The following ADGRB3 variants were observed in gnomAD, a reference collection of about 807,000 sequenced individuals.
ADGRB3 encodes the protein adhesion G protein-coupled receptor B3.
A neutral mutation model predicts 193.4 loss-of-function variants in ADGRB3; 37 were observed. The ratio of observed to expected loss-of-function variants is 0.19; its 90% CI spans 0.15 to 0.25. ADGRB3 has a LOEUF of 0.25. Among genes scored for constraint, ADGRB3 ranks in the 10% least tolerant of loss-of-function variants. ADGRB3 has a pLI of 1.00. For missense variants in ADGRB3, 1,637 were observed against 1,852.9 expected, an observed-to-expected ratio of 0.88 and a Z score of 2.14; for synonymous variants, 690 against 644.2, an observed-to-expected ratio of 1.07 and a Z score of -1.08.
chr6:68,677,525 T>G lies in ADGRB3; in HGVS notation c.757+38093T>G, dbSNP rs896370244. Among the ~76,000 whole-genome samples, 3 of 145,792 alleles carry G rather than the reference T, an allele frequency of 2.1e-5. No homozygotes were observed. In the East Asian group the frequency reaches 5.8e-4, roughly 28 times the overall value. On this transcript the variant is annotated intron_variant, in intron 3 of 31. Coordinates refer to ENST00000370598, the MANE Select transcript of ADGRB3 (RefSeq NM_001704.3). ...TTTTCTTTTTTTTCTTTTTTTCTTT[T>G]TTTTTTTTTTTTTGACAGGTCTCAC...
intron 17 of ADGRB3, among the ~76,000 whole-genome samples, chr6:69,136,409 A>G (rs1417339555): frequency 2.0e-5 from 3 of 152,142 alleles, no homozygotes; most frequent in Non-Finnish European, 4.4e-5. Flanking sequence ...TAAAATGTAA[A>G]TAAGCTCTTC....
chr6:69,163,517 C>T (rs1024065264), intron 17 of ADGRB3, among the ~76,000 whole-genome samples: 15 of 151,866 alleles, frequency 9.9e-5, no homozygotes, highest in South Asian at 2.1e-4. Flanking sequence ...AAAATTAAGG[C>T]GGAGAAAAGC....
chr6:68,660,778 A>G (rs1248672329), intron 3 of ADGRB3, among the ~76,000 whole-genome samples: 1 of 151,126 alleles, frequency 6.6e-6, no homozygotes, highest in East Asian at 1.9e-4. Context: ...GATCTTATCA[A>G]CAAATAGGAT....
At chr6:68,686,917 G>T (rs982289129) in intron 3 of ADGRB3, among the ~76,000 whole-genome samples, 1 of 152,210 alleles carries the variant, frequency 6.6e-6, no homozygotes, top group African/African-American at 2.4e-5. Flanking sequence ...TCTCAAGAAG[G>T]TATAACCTGA....
intron 3 of ADGRB3, among the ~76,000 whole-genome samples, chr6:68,666,141 T>C (rs1768794615): frequency 1.3e-5 from 2 of 151,864 alleles, no homozygotes; most frequent in South Asian, 4.1e-4. Context: ...AATCACAAAC[T>C]AGCAGACCTG....
At chr6:69,125,995 C>G (rs1028558637) in intron 17 of ADGRB3, among the ~76,000 whole-genome samples, 1 of 152,128 alleles carries the variant, frequency 6.6e-6, no homozygotes, top group African/African-American at 2.4e-5. Flanking sequence ...ACATTTGGGT[C>G]AAAGTCAAAT....
intron 3 of ADGRB3, among the ~76,000 whole-genome samples, chr6:68,895,360 A>G (rs1273625879): frequency 1.3e-5 from 2 of 151,912 alleles, no homozygotes; most frequent in African/African-American, 4.8e-5. Context: ...CTTGAAAAAC[A>G]TGTATTTAGT....
At chr6:68,949,209 A>T (rs1486041982) in intron 6 of ADGRB3, among the ~76,000 whole-genome samples, 1 of 152,086 alleles carries the variant, frequency 6.6e-6, no homozygotes, top group Non-Finnish European at 1.5e-5. Flanking sequence ...ATAGACTCAA[A>T]GGGATTCTTC....
chr6:68,648,856 A>C (rs1415393317), intron 3 of ADGRB3, among the ~76,000 whole-genome samples: 1 of 151,712 alleles, frequency 6.6e-6, no homozygotes, highest in African/African-American at 2.4e-5. Flanking sequence ...AATAAGATGC[A>C]TTTTTAAAGA....
chr6:69,067,176 G>A (rs1375162512), intron 16 of ADGRB3, among the ~76,000 whole-genome samples: 1 of 151,862 alleles, frequency 6.6e-6, no homozygotes, highest in Non-Finnish European at 1.5e-5. Context: ...TTTTTCCTCT[G>A]GGCATCAACT....
chr6:69,100,459 G>C (rs1464744969), intron 17 of ADGRB3, among the ~76,000 whole-genome samples: 1 of 152,122 alleles, frequency 6.6e-6, no homozygotes, highest in Non-Finnish European at 1.5e-5. Context: ...GAGATAAAAA[G>C]AGGAGAGGAG....
intron 17 of ADGRB3, among the ~76,000 whole-genome samples, chr6:69,123,976 T>C (rs570518928): frequency 5.3e-4 from 80 of 152,288 alleles, no homozygotes; most frequent in Non-Finnish European, 1.0e-3. Flanking sequence ...ATCTCTTCCT[T>C]ACATTTTCAC....
chr6:69,053,609 G>A (rs567836645), intron 15 of ADGRB3, among the ~76,000 whole-genome samples: 1 of 152,134 alleles, frequency 6.6e-6, no homozygotes, highest in Non-Finnish European at 1.5e-5. Context: ...ATTCCCCCTT[G>A]ACCACTTATG....
At chr6:69,125,790 T>A (rs1688073624) in intron 17 of ADGRB3, among the ~76,000 whole-genome samples, 1 of 152,238 alleles carries the variant, frequency 6.6e-6, no homozygotes, top group Non-Finnish European at 1.5e-5. Flanking sequence ...AATGCTTTTT[T>A]AAAAACAACA....
intron 3 of ADGRB3, among the ~76,000 whole-genome samples, chr6:68,918,087 AT>A (rs1447147670): frequency 2.0e-5 from 3 of 152,164 alleles, no homozygotes; most frequent in African/African-American, 4.8e-5. Context: ...CAGGTAAAAC[AT>A]TTTTTTAAGA....
In ADGRB3 at chr6:68,991,497, T is replaced by C. The variant is rs147470820; in HGVS notation, c.1735-2271T>C. 1.8e-3 allele frequency among the ~76,000 whole-genome samples: 275 copies of C among 151,500 alleles called. 1 individual carries two copies. Among genetic ancestry groups the C allele is most frequent in the South Asian group, 0.015 (70 of 4,796 alleles). On this transcript the variant is annotated intron_variant, in intron 10 of 31. Coordinates refer to ENST00000370598, the MANE Select transcript of ADGRB3 (RefSeq NM_001704.3). ...GGTAGGAAGTCAGGTAAGACCTTTC[T>C]GAGAAGGCGACAAAAAGCATGTGAA... is the stretch of plus-strand genomic sequence containing the variant.
chr6:69,071,315 A>C (rs1283331702), intron 16 of ADGRB3, among the ~76,000 whole-genome samples: 2 of 151,798 alleles, frequency 1.3e-5, no homozygotes, highest in East Asian at 3.9e-4. Flanking sequence ...AGATGTCCAA[A>C]TAACCTATTT....
chr6:69,194,234 A>G, intron 17 of ADGRB3, among the ~76,000 whole-genome samples: 1 of 152,178 alleles, frequency 6.6e-6, no homozygotes. Flanking sequence ...ACAATATAGC[A>G]TCTCAGATAG....
chr6:69,104,855 T>C (rs992675554), intron 17 of ADGRB3, among the ~76,000 whole-genome samples: 1 of 152,200 alleles, frequency 6.6e-6, no homozygotes, highest in African/African-American at 2.4e-5. Flanking sequence ...CATATGTGTA[T>C]TATGTTTTAC....
Sources: allele counts gnomAD v4.1 joint callset (sites outside exome capture counted in the v4.1 genomes callset), GRCh38; gene constraint gnomAD v4.1.1; transcripts MANE v1.5; gene names NCBI Gene and HGNC (gene_info 2026-07-23, HGNC 2026-07-21).